Variants in CNTN4 observed in about 807,000 individuals in gnomAD.
The protein encoded by CNTN4 is contactin 4.
A neutral mutation model predicts 122.5 loss-of-function variants in CNTN4; 77 were observed. That is an observed-to-expected ratio of 0.63 (90% CI 0.52 to 0.76). The LOEUF (loss-of-function observed/expected upper bound fraction) is 0.76. CNTN4 is among the 30% of genes least tolerant of loss of function. The pLI is 0.00. For missense variants in CNTN4, 1,256 were observed against 1,259.1 expected (o/e 1.00, Z 0.04); for synonymous variants, 512 against 447.0 (o/e 1.15, Z -1.83).
At chr3:2,380,995 G>A (rs1459576513) in intron 3 of CNTN4, among the ~76,000 whole-genome samples, 1 of 150,436 alleles carries the variant, frequency 6.6e-6, no homozygotes, top group Non-Finnish European at 1.5e-5. Flanking sequence ...CTTTTGTTTT[G>A]TTTTGTTTTT....
intron 13 of CNTN4, among the ~76,000 whole-genome samples, chr3:2,978,167 C>T (rs1693603932): frequency 6.6e-6 from 1 of 152,168 alleles, no homozygotes; most frequent in African/African-American, 2.4e-5. Context: ...TGGTGTGTTG[C>T]TATGGCAGCC....
At chr3:2,402,194 T>A (rs2046882396) in intron 3 of CNTN4, among the ~76,000 whole-genome samples, 1 of 152,136 alleles carries the variant, frequency 6.6e-6, no homozygotes, top group Non-Finnish European at 1.5e-5. Context: ...CTGAATTTAA[T>A]GGGATTTTAT....
At chr3:2,563,844 G>C (rs981736361) in intron 3 of CNTN4, among the ~76,000 whole-genome samples, 3 of 151,988 alleles carry the variant, frequency 2.0e-5, no homozygotes, top group African/African-American at 7.2e-5. Context: ...GAATGTTTAG[G>C]ATGAATTTGT....
At chr3:2,213,579 C>T (rs998309808) in intron 2 of CNTN4, among the ~76,000 whole-genome samples, 9 of 152,248 alleles carry the variant, frequency 5.9e-5, no homozygotes, top group African/African-American at 1.9e-4. Context: ...ACTCAAGTTG[C>T]CAGAGTCTCA....
At chr3:2,449,618 A>C (rs2048751665) in intron 3 of CNTN4, among the ~76,000 whole-genome samples, 2 of 45,462 alleles carry the variant, frequency 4.4e-5, no homozygotes, top group Admixed American at 1.9e-4. Flanking sequence ...CCATCTCAAA[A>C]AAAAAAAAAA....
chr3:2,739,472 A>C (rs2089329492), intron 5 of CNTN4, among the ~76,000 whole-genome samples: 1 of 152,252 alleles, frequency 6.6e-6, no homozygotes, highest in East Asian at 1.9e-4. Context: ...CAGCTGCAAC[A>C]AATGGGTAGA....
At chr3:2,797,475 G>T (rs370866357) in intron 6 of CNTN4, among the ~76,000 whole-genome samples, 38 of 152,268 alleles carry the variant, frequency 2.5e-4, no homozygotes, top group African/African-American at 8.4e-4. Flanking sequence ...GTGGGCGCCT[G>T]TAATCCCAGC....
chr3:2,099,379 T>A (rs9810912), intron 1 of CNTN4: 9 of 152,324 alleles, frequency 5.9e-5, no homozygotes, highest in African/African-American at 2.2e-4. Context: ...TGGTTCGGGC[T>A]ACTGCCCCCT....
intron 4 of CNTN4, among the ~76,000 whole-genome samples, chr3:2,622,467 A>G (rs1215091771): frequency 1.3e-5 from 2 of 151,826 alleles, no homozygotes; most frequent in African/African-American, 2.4e-5. Flanking sequence ...AATTTTTTGT[A>G]TTTTTAGTAG....
intron 7 of CNTN4, among the ~76,000 whole-genome samples, chr3:2,829,223 A>G (rs2093050874): frequency 6.6e-6 from 1 of 152,128 alleles, no homozygotes; most frequent in Non-Finnish European, 1.5e-5. Context: ...AGAATAATGT[A>G]AAACAGTTTA....
In CNTN4 at chr3:2,829,004, G is replaced by T. The variant is rs549113626; in HGVS notation, c.454+9423G>T. 4.7e-4 allele frequency among the ~76,000 whole-genome samples: 72 copies of T among 152,262 alleles called. 1 individual carries two copies. Among genetic ancestry groups the T allele is most frequent in the African/African-American group, 1.7e-3 (70 of 41,556 alleles). ...TCTTCCTACCTCAGCCTCCCAAAGT[G>T]CTGGGAGTACAGGCATGAGCCACCG... On this transcript the variant is annotated intron_variant, in intron 7 of 24. Coordinates refer to ENST00000418658, the MANE Select transcript of CNTN4 (RefSeq NM_175607.3).
intron 2 of CNTN4, among the ~76,000 whole-genome samples, chr3:2,140,113 C>A (rs1167819234): frequency 1.3e-5 from 2 of 152,164 alleles, no homozygotes; most frequent in Non-Finnish European, 2.9e-5. Flanking sequence ...CTTTGCTTCT[C>A]CTTTGCCTTC....
At chr3:2,840,429 G>T (rs565276484) in intron 7 of CNTN4, among the ~76,000 whole-genome samples, 2 of 151,650 alleles carry the variant, frequency 1.3e-5, no homozygotes, top group Non-Finnish European at 2.9e-5. Context: ...GGGCCGGCGC[G>T]GTGGCTCACG....
intron 4 of CNTN4, among the ~76,000 whole-genome samples, chr3:2,607,196 G>A (rs1005824607): frequency 6.6e-6 from 1 of 152,162 alleles, no homozygotes; most frequent in Non-Finnish European, 1.5e-5. Flanking sequence ...AAAGGAAAGA[G>A]TAGAAATTAT....
intron 2 of CNTN4, among the ~76,000 whole-genome samples, chr3:2,309,470 T>A (rs2042837697): frequency 6.6e-6 from 1 of 152,220 alleles, no homozygotes; most frequent in Non-Finnish European, 1.5e-5. Flanking sequence ...AATTACAAAG[T>A]AATATTGATG....
chr3:2,633,348 C>G (rs1236554779), intron 4 of CNTN4, among the ~76,000 whole-genome samples: 1 of 152,196 alleles, frequency 6.6e-6, no homozygotes, highest in African/African-American at 2.4e-5. Flanking sequence ...ACTCCTAAAA[C>G]TCTTTATCAC....
intron 7 of CNTN4, among the ~76,000 whole-genome samples, chr3:2,827,600 T>G (rs2093013522): frequency 6.6e-6 from 1 of 152,238 alleles, no homozygotes; most frequent in Non-Finnish European, 1.5e-5. Flanking sequence ...ATTATTAACA[T>G]AAATTGGTTA....
intron 4 of CNTN4, among the ~76,000 whole-genome samples, chr3:2,602,207 A>C (rs923007203): frequency 6.6e-6 from 1 of 151,966 alleles, no homozygotes; most frequent in African/African-American, 2.4e-5. Context: ...CTCTCTCACC[A>C]CTCCTATTCA....
At chr3:2,389,021 C>T (rs1255005650) in intron 3 of CNTN4, among the ~76,000 whole-genome samples, 1 of 148,972 alleles carries the variant, frequency 6.7e-6, no homozygotes, top group Non-Finnish European at 1.5e-5. Context: ...ATTAGCCAGG[C>T]GTGGTGGTGT....
Sources: gnomAD v4.1 joint callset for allele counts (sites outside exome capture counted in the v4.1 genomes callset) on GRCh38, gnomAD v4.1.1 for gene constraint, MANE v1.5 for transcripts, NCBI Gene and HGNC (gene_info 2026-07-23, HGNC 2026-07-21) for gene names.